IL15RA: variants seen among roughly 807,000 people sequenced by gnomAD.
IL15RA encodes the protein interleukin-15 receptor subunit alpha.
Under a neutral mutation model 24.2 loss-of-function variants are expected in IL15RA, and 26 were observed. The ratio of observed to expected loss-of-function variants is 1.07; its 90% confidence interval spans 0.79 to 1.49. The LOEUF (loss-of-function observed/expected upper bound fraction) is 1.49. IL15RA is among the 40% of genes most tolerant of loss of function. The pLI, the probability that IL15RA is intolerant of heterozygous loss-of-function variation, is 0.00. For synonymous variants in IL15RA, 166 were observed against 157.6 expected, an observed-to-expected ratio of 1.05 and a Z score of -0.40; for missense variants, 354 against 356.4, an observed-to-expected ratio of 0.99 and a Z score of 0.05.
rs866442743 is a variant in IL15RA at position 5,962,575 on chromosome 10, G to A, written c.382+1168C>T. On this transcript the variant is annotated intron_variant, in intron 3 of 6. Coordinates refer to ENST00000379977, the MANE Select transcript of IL15RA (RefSeq NM_002189.4). This position sits in a 1 kb window ranked among gnomAD's most constrained non-coding sequence, Gnocchi z 5.2. Reference sequence around the variant, plus strand: ...CCTCTGCCCTCCAGACTGGGCAATAGAGCAAGACCCCATCTCAAAAAAAAA... The same window carrying A: ...CCTCTGCCCTCCAGACTGGGCAATAAAGCAAGACCCCATCTCAAAAAAAAA... Among the ~76,000 whole-genome samples the A allele has an allele frequency of 1.1e-4, 16 of 144,010 alleles. No individual in the cohort carries two copies. Among genetic ancestry groups the A allele is most frequent in the African/African-American group, 3.9e-4 (15 of 37,990 alleles). The allele number at this position is 144,010 out of a possible 152,430, so 94.5% of individuals were successfully genotyped here. A position where few individuals can be genotyped will look rare whatever the true frequency, so the allele number is the denominator to read the frequency against.
rs958260647 is a variant in IL15RA at position 5,966,474 on chromosome 10, G to A, written c.89-135C>T. On this transcript the variant is annotated intron_variant, in intron 1 of 6. Transcript: ENST00000379977. The surrounding 1 kb of genome is among the most constrained non-coding windows in gnomAD (Gnocchi z 6.4). The stretch of plus-strand genomic sequence containing the variant: ...AGGACAAGCCCCAGGTGCCAGGCAC[G>A]TGGAGGATGTACAGGAAGAGCATCC... The A allele has an allele frequency of 6.3e-5, 41 of 654,376 alleles. No homozygotes were observed. In the East Asian group the frequency reaches 8.5e-4, roughly 14 times the overall value. The allele number at this position is 654,376 out of a possible 1,614,324, so 40.5% of individuals were successfully genotyped here.
chr10:5,959,170 CTTT>C lies in IL15RA; in HGVS notation c.616+581_616+583del. On this transcript the variant is annotated intron_variant, in intron 5 of 6. Coordinates refer to ENST00000379977, the MANE Select transcript of IL15RA (RefSeq NM_002189.4). This position sits in a 1 kb window ranked among gnomAD's most constrained non-coding sequence, Gnocchi z 4.1. The stretch of plus-strand genomic sequence containing the variant: ...GTTAACTTTTTTTCTTTTTCTTTTT[CTTT>C]TTTTTTTTTTTTAATAGAGATGGGG... Among the ~76,000 whole-genome samples the C allele has an allele frequency of 7.2e-6, 1 of 138,216 alleles. No homozygotes were observed. The highest frequency in any genetic ancestry group is 7.2e-5 in the Admixed American group (1 of 13,806). The allele number at this position is 138,216 out of a possible 152,430, so 90.7% of individuals were successfully genotyped here. A position where few individuals can be genotyped will look rare whatever the true frequency, so the allele number is the denominator to read the frequency against.
rs1268255945 is a variant in IL15RA at position 5,961,344 on chromosome 10, C to T, written c.383-777G>A. On this transcript the variant is annotated intron_variant, in intron 3 of 6. Transcript: ENST00000379977. This position sits in a 1 kb window ranked among gnomAD's most constrained non-coding sequence, Gnocchi z 5.2. ...ACCTTAGCCTAGGAGTTTGAGGCTG[C>T]AGTGACCTATAATTGAGCCATTGCA... Among the ~76,000 whole-genome samples, 1 of 152,104 alleles carries T rather than the reference C, an allele frequency of 6.6e-6. No individual in the cohort carries two copies. Among genetic ancestry groups the T allele is most frequent in the Non-Finnish European group, 1.5e-5 (1 of 68,030 alleles).
At position 5,975,425 on chromosome 10, in the gene IL15RA, TGTGCA is replaced by T. The variant is rs8177640; in HGVS notation, c.88+1975_88+1979del. The stretch of plus-strand genomic sequence containing the variant: ...GATGGGCGAGGTGGGAGATGAGGAC[TGTGCA>T]GGGCATGAGGAAGTCTTTGGGAGTG... On this transcript the variant is annotated intron_variant, in intron 1 of 6. Transcript: ENST00000379977. The surrounding 1 kb of genome is among the most constrained non-coding windows in gnomAD (Gnocchi z 4.8). Among the ~76,000 whole-genome samples, 396 of 151,328 alleles carry T rather than the reference TGTGCA, an allele frequency of 2.6e-3. 2 individuals carry two copies. The highest frequency in any genetic ancestry group is 9.5e-3 in the African/African-American group (388 of 40,710).
rs1214970330 is a variant in IL15RA, at chr10:5,970,292, C to G, written c.89-3953G>C. Among the ~76,000 whole-genome samples, 2 of 152,250 alleles carry G rather than the reference C, an allele frequency of 1.3e-5. No homozygotes were observed. Among genetic ancestry groups the G allele is most frequent in the Admixed American group, 1.3e-4 (2 of 15,280 alleles). Reference sequence around the variant, plus strand: ...ATCTGAAACAGCAGACTTCCAGTCTCTCCCCCAAGCCCTTGTGCTATTGTT... The same window carrying G: ...ATCTGAAACAGCAGACTTCCAGTCTGTCCCCCAAGCCCTTGTGCTATTGTT... On this transcript the variant is annotated intron_variant, in intron 1 of 6. Coordinates refer to ENST00000379977, the MANE Select transcript of IL15RA (RefSeq NM_002189.4). This position sits in a 1 kb window ranked among gnomAD's most constrained non-coding sequence, Gnocchi z 4.1.
chr10:5,963,882 C>CCAGG lies in IL15RA; in HGVS notation c.284-42_284-41insCCTG. The CCAGG allele has an allele frequency of 7.5e-7, 1 of 1,334,984 alleles. No homozygotes were observed. The highest frequency in any genetic ancestry group is 1.0e-6 in the Non-Finnish European group (1 of 971,880). 82.7% of individuals were successfully genotyped at this position (1,334,984 alleles called of 1,614,324 possible). A position where few individuals can be genotyped will look rare whatever the true frequency, so the allele number is the denominator to read the frequency against. On this transcript the variant is annotated intron_variant, in intron 2 of 6. Coordinates refer to ENST00000379977, the MANE Select transcript of IL15RA (RefSeq NM_002189.4). This position sits in a 1 kb window ranked among gnomAD's most constrained non-coding sequence, Gnocchi z 5.3. ...CCACATGGCACTTATGATCCTGAGC[C>CCAGG]TGGAACCTGGGCTGGCTTCAGAACG...
Position 5,963,908 on chromosome 10 carries a change from G to A in IL15RA, c.284-67C>T, listed in dbSNP as rs1000085300. 1.5e-5 allele frequency: 15 copies of A among 980,442 alleles called. No individual in the cohort carries two copies. Among genetic ancestry groups the A allele is most frequent in the Middle Eastern group, 2.0e-4 (1 of 4,880 alleles). The allele number at this position is 980,442 out of a possible 1,614,324, so 60.7% of individuals were successfully genotyped here. ...TGGAACCTGGGCTGGCTTCAGAACGGGATACAAATAAAATATATCAACACA... is the reference window on the plus strand; with the variant it reads ...TGGAACCTGGGCTGGCTTCAGAACGAGATACAAATAAAATATATCAACACA... On this transcript the variant is annotated intron_variant, in intron 2 of 6. Transcript: ENST00000379977. This position sits in a 1 kb window ranked among gnomAD's most constrained non-coding sequence, Gnocchi z 5.3.
chr10:5,969,082 T>C (rs1052071007), intron 1 of IL15RA, among the ~76,000 whole-genome samples: 20 of 152,284 alleles, frequency 1.3e-4, no homozygotes, highest in African/African-American at 4.6e-4. Context: ...ATGTGTCTGT[T>C]TGTTTTGACA....
chr10:5,972,965 A>G (rs533405035), intron 1 of IL15RA, among the ~76,000 whole-genome samples: 18 of 152,378 alleles, frequency 1.2e-4, no homozygotes, highest in African/African-American at 4.3e-4. Flanking sequence ...ACTTAAAGAC[A>G]CATGAAAAGT....
Position 5,955,754 on chromosome 10 carries a change from T to C in IL15RA, c.692+625A>G, listed in dbSNP as rs1834430628. Among the ~76,000 whole-genome samples, 1 of 152,194 alleles carries C rather than the reference T, an allele frequency of 6.6e-6. No individual in the cohort carries two copies. Among genetic ancestry groups the C allele is most frequent in the South Asian group, 2.1e-4 (1 of 4,832 alleles). On this transcript the variant is annotated intron_variant, in intron 6 of 6. Transcript: ENST00000379977. This position sits in a 1 kb window ranked among gnomAD's most constrained non-coding sequence, Gnocchi z 5.3. ...TATAAGAAGGCATACCCCTATTCAA[T>C]GAGGACTTTCAAGAATATATTCATG...
chr10:5,966,438 A>C lies in IL15RA; in HGVS notation c.89-99T>G. On this transcript the variant is annotated intron_variant, in intron 1 of 6. Transcript: ENST00000379977. The surrounding 1 kb of genome is among the most constrained non-coding windows in gnomAD (Gnocchi z 6.4). ...CGGTAGTCAGTGTCCAGCTTATCCTAGGGGTGCCTCAGGACAAGCCCCAGG... is the reference window on the plus strand; with the variant it reads ...CGGTAGTCAGTGTCCAGCTTATCCTCGGGGTGCCTCAGGACAAGCCCCAGG... The C allele has an allele frequency of 9.9e-7, 1 of 1,011,410 alleles. No homozygotes were observed. Among genetic ancestry groups the C allele is most frequent in the Non-Finnish European group, 1.5e-6 (1 of 677,568 alleles). The allele number at this position is 1,011,410 out of a possible 1,614,324, so 62.7% of individuals were successfully genotyped here.
At position 5,960,473 on chromosome 10, in the gene IL15RA, G is replaced by T; in HGVS notation, c.477C>A (p.Ser159=). The T allele has an allele frequency of 1.9e-6, 3 of 1,614,154 alleles. No individual in the cohort carries two copies. The highest frequency in any genetic ancestry group is 2.5e-6 in the Non-Finnish European group (3 of 1,179,994). The change falls in exon 4 of 7, where the codon TCC becomes TCA. Residue 159 remains serine (S), a synonymous_variant. Transcript: ENST00000379977. This position sits in a 1 kb window ranked among gnomAD's most constrained non-coding sequence, Gnocchi z 5.1. ...GACTGCTTATCTCTGTGGTTCCTGTGGAAGGTGATTTTGAAGGCATCAGCT... is the reference window on the plus strand; with the variant it reads ...GACTGCTTATCTCTGTGGTTCCTGTTGAAGGTGATTTTGAAGGCATCAGCT... ...GSQLMPSKSP[S]TGTTEISSHE...
rs2038303624 is a variant in IL15RA, at chr10:5,970,194, C to T, written c.89-3855G>A. ...TAGTTTAGTGGTTGTTTTAGGGTGT[C>T]CACTATATATCTTTACCTTATCACA... On this transcript the variant is annotated intron_variant, in intron 1 of 6. Coordinates refer to ENST00000379977, the MANE Select transcript of IL15RA (RefSeq NM_002189.4). The surrounding 1 kb of genome is among the most constrained non-coding windows in gnomAD (Gnocchi z 4.1). Among the ~76,000 whole-genome samples the T allele has an allele frequency of 6.6e-6, 1 of 152,072 alleles. No individual in the cohort carries two copies. Among genetic ancestry groups the T allele is most frequent in the African/African-American group, 2.4e-5 (1 of 41,400 alleles).
In IL15RA at chr10:5,952,421, A is replaced by C. The variant is rs942498101; in HGVS notation, c.*674T>G. Reference sequence around the variant, plus strand: ...ATGTTTTATTTTGTTTATACAAGGTACAATGTCAAAATACAAATAATATAT... The same window carrying C: ...ATGTTTTATTTTGTTTATACAAGGTCCAATGTCAAAATACAAATAATATAT... On this transcript the variant is annotated 3_prime_UTR_variant, in exon 7 of 7. Coordinates refer to ENST00000379977, the MANE Select transcript of IL15RA (RefSeq NM_002189.4). The C allele has an allele frequency of 6.5e-6, 1 of 152,750 alleles. No individual in the cohort carries two copies. Among genetic ancestry groups the C allele is most frequent in the Non-Finnish European group, 1.5e-5 (1 of 68,056 alleles). 9.5% of individuals were successfully genotyped at this position (152,750 alleles called of 1,614,324 possible). A position where few individuals can be genotyped will look rare whatever the true frequency, so the allele number is the denominator to read the frequency against.
rs887416027 is a variant in IL15RA at position 5,975,655 on chromosome 10, G to A, written c.88+1750C>T. Among the ~76,000 whole-genome samples, 5 of 152,310 alleles carry A rather than the reference G, an allele frequency of 3.3e-5. No individual in the cohort carries two copies. On this transcript the variant is annotated intron_variant, in intron 1 of 6. Coordinates refer to ENST00000379977, the MANE Select transcript of IL15RA (RefSeq NM_002189.4). The surrounding 1 kb of genome is among the most constrained non-coding windows in gnomAD (Gnocchi z 4.8). Reference sequence around the variant, plus strand: ...TAATCCCAGCACTTTGGAAGGCCGAGGCGGGCAGATCACAAGGTCAGGAGT... The same window carrying A: ...TAATCCCAGCACTTTGGAAGGCCGAAGCGGGCAGATCACAAGGTCAGGAGT...
rs1564507336 is a variant in IL15RA at position 5,966,145 on chromosome 10, T to G, written c.283A>C (p.Arg95=). ...AGGTGGGGTGGCAAGGGCTACTCAC[T>G]AATGCATTTGAGACTGGGGGTTGTC... ...HWTTPSLKCI[R]DPALVHQRPA... The change falls in exon 2 of 7, where the codon AGA becomes CGA. Residue 95 remains arginine (R), a splice_region_variant and synonymous_variant. Transcript: ENST00000379977. This position sits in a 1 kb window ranked among gnomAD's most constrained non-coding sequence, Gnocchi z 6.4. 2 of 1,604,336 alleles carry G rather than the reference T, an allele frequency of 1.2e-6. No individual in the cohort carries two copies. The highest frequency in any genetic ancestry group is 2.7e-5 in the African/African-American group (2 of 74,872).
chr10:5,977,791 G>A (rs1490340872), upstream of IL15RA: 1 of 494,362 alleles, frequency 2.0e-6, no homozygotes, highest in Non-Finnish European at 3.2e-6. Context: ...GCAAGCCCGG[G>A]AGCCTCCCGG....
At chr10:5,977,158 C>T in intron 1 of IL15RA, 1 of 336,440 alleles carries the variant, frequency 3.0e-6, no homozygotes, top group East Asian at 4.5e-5. Flanking sequence ...CCAGCCAGGC[C>T]GCCCGCTCCC....
In IL15RA at chr10:5,967,754, G is replaced by A. The variant is rs762518557; in HGVS notation, c.89-1415C>T. On this transcript the variant is annotated intron_variant, in intron 1 of 6. Coordinates refer to ENST00000379977, the MANE Select transcript of IL15RA (RefSeq NM_002189.4). This position sits in a 1 kb window ranked among gnomAD's most constrained non-coding sequence, Gnocchi z 4.4. Reference sequence around the variant, plus strand: ...CCCCTGGAAAAGTGCAAGTGTGGCCGGAAGTAAATTCGATAAAGAATAGGC... The same window carrying A: ...CCCCTGGAAAAGTGCAAGTGTGGCCAGAAGTAAATTCGATAAAGAATAGGC... 3.3e-5 allele frequency among the ~76,000 whole-genome samples: 5 copies of A among 152,240 alleles called. No individual in the cohort carries two copies. The highest frequency in any genetic ancestry group is 1.9e-4 in the East Asian group (1 of 5,174).
Sources: gnomAD v4.1 joint callset for allele counts (sites outside exome capture counted in the v4.1 genomes callset) on GRCh38, gnomAD v4.1.1 for gene constraint, Gnocchi (gnomAD v3.1) non-coding constraint, MANE v1.5 for transcripts, NCBI Gene and HGNC (gene_info 2026-07-23, HGNC 2026-07-21) for gene names.